The following VSTM4 variants were observed in gnomAD, a reference collection of about 807,000 sequenced individuals.
VSTM4 encodes V-set and transmembrane domain-containing protein 4.
A neutral mutation model predicts 36.4 loss-of-function variants in VSTM4; 20 were observed. That is an observed-to-expected ratio of 0.55 (90% CI 0.39 to 0.80). The LOEUF (loss-of-function observed/expected upper bound fraction) is 0.80. Ranked by LOEUF, VSTM4 falls within the 30% of genes least tolerant of loss-of-function variation. The pLI, the probability that VSTM4 is intolerant of heterozygous loss-of-function variation, is 0.00. For missense variants in VSTM4, 392 were observed against 404.5 expected, an observed-to-expected ratio of 0.97 and a Z score of 0.26; for synonymous variants, 182 against 173.9, an observed-to-expected ratio of 1.05 and a Z score of -0.37.
chr10:49,044,537 AAAGAAAGG>A (rs949639132), intron 7 of VSTM4, among the ~76,000 whole-genome samples: 190 of 151,788 alleles, frequency 1.3e-3, no homozygotes, highest in East Asian at 7.1e-3. Context: ...AAAAAGAAAG[AAAGAAAGG>A]AAGAAAGGAA....
At position 49,107,764 on chromosome 10, in the gene VSTM4, C is replaced by T. The variant is rs777225273; in HGVS notation, c.287G>A (p.Arg96Gln). 6.8e-6 allele frequency: 11 copies of T among 1,614,144 alleles called. No homozygotes were observed. Among genetic ancestry groups the T allele is most frequent in the Admixed American group, 3.3e-5 (2 of 60,018 alleles). Residue 96 changes from arginine to glutamine, a missense_variant, in exon 2 of 8, where the codon CGG (arginine) becomes CAG (glutamine). Coordinates refer to ENST00000332853, the MANE Select transcript of VSTM4 (RefSeq NM_001031746.5). ...CTCCTCCAGCAGGCGCAGCCTCCGC[C>T]GTTTGGCGCTGCGGCTGAAATTCCC... Reference protein sequence around the residue: ...YYGNFSRSAKRRRLRLLEEQR... With the variant: ...YYGNFSRSAKQRRLRLLEEQR...
chr10:49,041,310 C>A (rs1796826320), intron 7 of VSTM4, among the ~76,000 whole-genome samples: 1 of 152,130 alleles, frequency 6.6e-6, no homozygotes, highest in African/African-American at 2.4e-5. Context: ...GACCTTGCTT[C>A]TGGAAAATTT....
At chr10:49,095,003 T>C (rs1165183443) in intron 2 of VSTM4, among the ~76,000 whole-genome samples, 1 of 152,184 alleles carries the variant, frequency 6.6e-6, no homozygotes, top group African/African-American at 2.4e-5. Flanking sequence ...CAGCTTTGTC[T>C]AGCTTATGCC....
intron 7 of VSTM4, among the ~76,000 whole-genome samples, chr10:49,023,491 C>A (rs1843211728): frequency 6.6e-6 from 1 of 152,192 alleles, no homozygotes. Context: ...ATCACTAAGA[C>A]TAGGTAAACT....
At chr10:49,023,845 T>C (rs921273567) in intron 7 of VSTM4, among the ~76,000 whole-genome samples, 3 of 152,196 alleles carry the variant, frequency 2.0e-5, no homozygotes, top group Non-Finnish European at 4.4e-5. Context: ...GATAGAAGCT[T>C]CAACAGTGTT....
At chr10:49,065,614 G>A (rs547522155) in intron 4 of VSTM4, among the ~76,000 whole-genome samples, 8 of 152,236 alleles carry the variant, frequency 5.3e-5, no homozygotes, top group African/African-American at 1.4e-4. Context: ...GAGACTACAC[G>A]GAGCAGACAC....
At position 49,092,761 on chromosome 10, in the gene VSTM4, C is replaced by A. The variant is rs138123574; in HGVS notation, c.458-6738G>T. ...ATAAAAAGTTGAGAACCTAGCAAGG[C>A]AGAGACAGACGCAGTCAGACATCGA... On this transcript the variant is annotated intron_variant, in intron 2 of 7. Transcript: ENST00000332853. 1.5e-3 allele frequency among the ~76,000 whole-genome samples: 228 copies of A among 152,306 alleles called. 2 individuals are homozygous for A. Among genetic ancestry groups the A allele is most frequent in the African/African-American group, 4.5e-3 (189 of 41,572 alleles).
chr10:49,038,376 AT>A (rs1416460893), intron 7 of VSTM4, among the ~76,000 whole-genome samples: 1 of 152,260 alleles, frequency 6.6e-6, no homozygotes, highest in Non-Finnish European at 1.5e-5. Flanking sequence ...ATACTGCATG[AT>A]TCCACTTCTA....
At chr10:49,086,840 A>G (rs1844378852) in intron 2 of VSTM4, among the ~76,000 whole-genome samples, 1 of 152,192 alleles carries the variant, frequency 6.6e-6, no homozygotes. Flanking sequence ...CTTACCAAAT[A>G]ACTGAATTTT....
chr10:49,065,142 C>G (rs77176265), intron 4 of VSTM4, among the ~76,000 whole-genome samples: 3 of 152,140 alleles, frequency 2.0e-5, no homozygotes, highest in Non-Finnish European at 4.4e-5. Context: ...AGTTTGAATT[C>G]TCTGATTAAT....
chr10:49,103,634 C>G (rs146233797), intron 2 of VSTM4: 5 of 1,516,586 alleles, frequency 3.3e-6, no homozygotes, highest in Non-Finnish European at 4.4e-6. Flanking sequence ...TCGCAAGTCA[C>G]CCTCCATGTG....
intron 5 of VSTM4, among the ~76,000 whole-genome samples, chr10:49,053,555 G>C (rs1843730852): frequency 6.6e-6 from 1 of 152,228 alleles, no homozygotes. Flanking sequence ...ATGAGGGTCA[G>C]ATGAGAGAGC....
intron 4 of VSTM4, among the ~76,000 whole-genome samples, chr10:49,070,488 C>A (rs1318794327): frequency 6.6e-6 from 1 of 152,118 alleles, no homozygotes; most frequent in Non-Finnish European, 1.5e-5. Context: ...CTTCACTTGT[C>A]TGAGCAGCTG....
At chr10:49,045,337 G>C (rs546692323) in intron 7 of VSTM4, among the ~76,000 whole-genome samples, 67 of 152,148 alleles carry the variant, frequency 4.4e-4, no homozygotes, top group African/African-American at 1.6e-3. Context: ...CAAGGAATTA[G>C]TGAACAATAA....
intron 7 of VSTM4, among the ~76,000 whole-genome samples, chr10:49,041,766 A>G (rs1310033057): frequency 6.6e-6 from 1 of 152,214 alleles, no homozygotes. Context: ...TGTTTCTTAA[A>G]TAGTGTTGTT....
At chr10:49,033,382 G>A (rs1843376508) in intron 7 of VSTM4, among the ~76,000 whole-genome samples, 1 of 152,130 alleles carries the variant, frequency 6.6e-6, no homozygotes, top group African/African-American at 2.4e-5. Context: ...CACTAAATGT[G>A]GGTGGACTGT....
At chr10:49,090,916 C>A (rs1333999691) in intron 2 of VSTM4, among the ~76,000 whole-genome samples, 1 of 151,924 alleles carries the variant, frequency 6.6e-6, no homozygotes, top group Non-Finnish European at 1.5e-5. Context: ...CGTCCTGTGT[C>A]CAGGGAGACC....
At chr10:49,076,295 C>T (rs1844176880) in intron 4 of VSTM4, among the ~76,000 whole-genome samples, 1 of 152,228 alleles carries the variant, frequency 6.6e-6, no homozygotes. Flanking sequence ...GCCTGTGTTA[C>T]AGGTTTTAGC....
At chr10:49,028,850 A>G (rs1843302504) in intron 7 of VSTM4, among the ~76,000 whole-genome samples, 2 of 152,244 alleles carry the variant, frequency 1.3e-5, no homozygotes, top group Admixed American at 6.5e-5. Flanking sequence ...TGGGACATGG[A>G]ATGTTTATGT....
Sources: gnomAD v4.1 joint callset for allele counts (sites outside exome capture counted in the v4.1 genomes callset) on GRCh38, gnomAD v4.1.1 for gene constraint, MANE v1.5 for transcripts, NCBI Gene and HGNC (gene_info 2026-07-23, HGNC 2026-07-21) for gene names.